The following ISOC1 variants were observed in gnomAD, a reference collection of about 807,000 sequenced individuals.
ISOC1 encodes the protein isochorismatase domain-containing protein 1.
Under a neutral mutation model 30.0 loss-of-function variants are expected in ISOC1, and 33 were observed. The ratio of observed to expected loss-of-function variants is 1.10; its 90% CI spans 0.83 to 1.47. The LOEUF is 1.47. Ranked by LOEUF, ISOC1 falls within the 40% of genes most tolerant of loss-of-function variation. The pLI is 0.00. For missense variants in ISOC1, 372 were observed against 388.0 expected (o/e 0.96, Z 0.35); for synonymous variants, 178 against 159.8 (o/e 1.11, Z -0.86).
At chr5:129,101,239 TA>T (rs1246511653) in intron 1 of ISOC1, among the ~76,000 whole-genome samples, 1 of 139,464 alleles carries the variant, frequency 7.2e-6, no homozygotes, top group Non-Finnish European at 1.5e-5. Context: ...TTCACACCTG[TA>T]ATCCCAGCAC....
At chr5:129,105,626 G>T (rs1753628189) in intron 3 of ISOC1, among the ~76,000 whole-genome samples, 1 of 152,058 alleles carries the variant, frequency 6.6e-6, no homozygotes, top group African/African-American at 2.4e-5. Flanking sequence ...TATTAAAGAG[G>T]ATACTAAAAT....
Position 129,094,753 on chromosome 5 carries a change from A to G in ISOC1, c.-14A>G. The G allele has an allele frequency of 7.1e-7, 1 of 1,414,982 alleles. No homozygotes were observed. The highest frequency in any genetic ancestry group is 1.5e-5 in the South Asian group (1 of 68,720). The allele number at this position is 1,414,982 out of a possible 1,614,324, so 87.7% of individuals were successfully genotyped here. On this transcript the variant is annotated 5_prime_UTR_variant, in exon 1 of 5. Coordinates refer to ENST00000173527, the MANE Select transcript of ISOC1 (RefSeq NM_016048.2). ...GACTGGGCGGCCTCGGAGCTCGCAG[A>G]CGCTCGGGGGAACATGGCGGCTGCG... is the stretch of plus-strand genomic sequence containing the variant.
intron 4 of ISOC1, 65 bp downstream of exon 4, chr5:129,107,127 A>T (rs1753647998): frequency 7.9e-7 from 1 of 1,266,402 alleles, no homozygotes; most frequent in South Asian, 1.2e-5. Context: ...AGAATACTGG[A>T]TATTTAACAG....
intron 3 of ISOC1, among the ~76,000 whole-genome samples, chr5:129,106,011 A>G (rs751954246): frequency 1.3e-3 from 197 of 152,214 alleles, no homozygotes; most frequent in Non-Finnish European, 2.4e-4. Flanking sequence ...GGTAACTTTT[A>G]TAGTAGTAGG....
intron 4 of ISOC1, 141 bp from the exon 5 acceptor site, chr5:129,112,714 T>C (rs910303991): frequency 3.1e-5 from 24 of 781,224 alleles, no homozygotes; most frequent in African/African-American, 3.0e-4. Flanking sequence ...TCCATCCCCA[T>C]CACTGAACTT....
At chr5:129,097,243 T>C (rs374594395) in intron 1 of ISOC1, among the ~76,000 whole-genome samples, 9 of 152,218 alleles carry the variant, frequency 5.9e-5, no homozygotes, top group Non-Finnish European at 1.2e-4. Context: ...TTAGTAGTTA[T>C]ACTTTGACTT....
chr5:129,106,856 G>T (rs1753643498), intron 3 of ISOC1, 90 bp from the exon 4 acceptor site: 2 of 859,698 alleles, frequency 2.3e-6, no homozygotes, highest in South Asian at 1.5e-5. Context: ...GATCTGTAGT[G>T]CTCTGTCTGC....
intron 1 of ISOC1, among the ~76,000 whole-genome samples, chr5:129,100,512 G>A (rs577473064): frequency 5.9e-5 from 9 of 152,262 alleles, no homozygotes; most frequent in Non-Finnish European, 1.0e-4. Context: ...ATATTTATAT[G>A]TGATTTGTTT....
At position 129,112,869 on chromosome 5, in the gene ISOC1, C is replaced by A. The variant is rs185456076; in HGVS notation, c.765C>A (p.Thr255=). The change falls in exon 5 of 5, where the codon ACC becomes ACA. Residue 255 remains threonine (T), a synonymous_variant. Coordinates refer to ENST00000173527, the MANE Select transcript of ISOC1 (RefSeq NM_016048.2). ...TTTTGTTCAAGCGTCTCGCTCGAAC[C>A]GGGATCATAGTGACCACGAGTGAGG... is the stretch of plus-strand genomic sequence containing the variant. ...RMFALERLAR[T]GIIVTTSEAV... is the part of the protein sequence containing the mutation. 6.2e-7 allele frequency: 1 copy of A among 1,612,382 alleles called. No individual in the cohort carries two copies. The highest frequency in any genetic ancestry group is 8.5e-7 in the Non-Finnish European group (1 of 1,179,370).
intron 4 of ISOC1, among the ~76,000 whole-genome samples, chr5:129,110,171 A>AT (rs1441230234): frequency 6.6e-6 from 1 of 152,168 alleles, no homozygotes; most frequent in East Asian, 1.9e-4. Context: ...GTGCACATGC[A>AT]TTTTTTAGGT....
chr5:129,097,775 C>T (rs73234005), intron 1 of ISOC1: 6,923 of 152,718 alleles, frequency 0.045, 536 homozygotes, highest in African/African-American at 0.16. Flanking sequence ...CACTTACAGC[C>T]GAACACAGCA....
At chr5:129,096,582 T>TGC (rs1753504651) in intron 1 of ISOC1, among the ~76,000 whole-genome samples, 1 of 152,214 alleles carries the variant, frequency 6.6e-6, no homozygotes, top group Admixed American at 6.5e-5. Flanking sequence ...AGTTCTTAGG[T>TGC]GCTTAAGACT....
At chr5:129,100,092 A>G (rs1753551779) in intron 1 of ISOC1, among the ~76,000 whole-genome samples, 1 of 149,132 alleles carries the variant, frequency 6.7e-6, no homozygotes, top group Non-Finnish European at 1.5e-5. Flanking sequence ...ATTTCCTCAG[A>G]AACACTTGGG....
chr5:129,096,282 C>T lies in ISOC1; in HGVS notation c.309+1207C>T, dbSNP rs189065358. Among the ~76,000 whole-genome samples the T allele has an allele frequency of 6.6e-5, 10 of 152,260 alleles. No homozygotes were observed. The East Asian group carries it at 1.9e-3, about 29-fold the overall frequency. ...ATAGTCACGCTATTGTGCTACTGAACACTAGAGCTTATTCCTATTATCTGT... is the reference window on the plus strand; with the variant it reads ...ATAGTCACGCTATTGTGCTACTGAATACTAGAGCTTATTCCTATTATCTGT... On this transcript the variant is annotated intron_variant, in intron 1 of 4. Transcript: ENST00000173527.
In ISOC1 at chr5:129,104,971, A is replaced by G. The variant is rs1257920252; in HGVS notation, c.325A>G (p.Asn109Asp). The G allele has an allele frequency of 6.2e-7, 1 of 1,613,556 alleles. No homozygotes were observed. The highest frequency in any genetic ancestry group is 8.5e-7 in the Non-Finnish European group (1 of 1,179,734). ...PLQIQLTTLG[N>D]LTPSSTVFFC... ...TTTTCCTCAGCTCACTACCCTGGGAAATCTTACACCTTCAAGCACTGTGTT... is the reference window on the plus strand; with the variant it reads ...TTTTCCTCAGCTCACTACCCTGGGAGATCTTACACCTTCAAGCACTGTGTT... The change falls in exon 2 of 5, where the codon AAT (asparagine) becomes GAT (aspartate). Residue 109 changes from asparagine to aspartate, a missense_variant. Physicochemically the swap from Asn to Asp is conservative, Grantham distance 23. Coordinates refer to ENST00000173527, the MANE Select transcript of ISOC1 (RefSeq NM_016048.2).
chr5:129,099,262 AT>A (rs1753543969), intron 1 of ISOC1, among the ~76,000 whole-genome samples: 18 of 152,084 alleles, frequency 1.2e-4, no homozygotes, highest in Admixed American at 1.2e-3. Context: ...TTCAAATGTC[AT>A]TGTGGTCCTG....
chr5:129,094,829 G>A lies in ISOC1; in HGVS notation c.63G>A (p.Ala21=), dbSNP rs1477961020. 5 of 1,545,098 alleles carry A rather than the reference G, an allele frequency of 3.2e-6. No homozygotes were observed. Among genetic ancestry groups the A allele is most frequent in the East Asian group, 2.4e-5 (1 of 41,188 alleles). ...ACAGCGGCGCCGGGGGCGCGGGGGC[G>A]CCGTCGGGCACAGTCCCGGTGCTCT... ...LPNSGAGGAG[A]PSGTVPVLFC... Residue 21 remains alanine, a synonymous_variant, in exon 1 of 5, where the codon GCG becomes GCA. Transcript: ENST00000173527.
intron 4 of ISOC1, among the ~76,000 whole-genome samples, chr5:129,110,760 C>T (rs1031390525): frequency 1.8e-4 from 27 of 152,178 alleles, no homozygotes; most frequent in African/African-American, 6.3e-4. Context: ...CAGATTCCTT[C>T]CTTAGACCTG....
rs535644532 is a variant in ISOC1, at chr5:129,094,749, G to C, written c.-18G>C. On this transcript the variant is annotated 5_prime_UTR_variant, in exon 1 of 5. Coordinates refer to ENST00000173527, the MANE Select transcript of ISOC1 (RefSeq NM_016048.2). Reference sequence around the variant, plus strand: ...GTGCGACTGGGCGGCCTCGGAGCTCGCAGACGCTCGGGGGAACATGGCGGC... The same window carrying C: ...GTGCGACTGGGCGGCCTCGGAGCTCCCAGACGCTCGGGGGAACATGGCGGC... 10 of 1,406,908 alleles carry C rather than the reference G, an allele frequency of 7.1e-6. No homozygotes were observed. In the South Asian group the frequency reaches 1.5e-4, roughly 21 times the overall value. 87.2% of individuals were successfully genotyped at this position (1,406,908 alleles called of 1,614,324 possible). A position where few individuals can be genotyped will look rare whatever the true frequency, so the allele number is the denominator to read the frequency against.
Sources: gnomAD v4.1 joint callset for allele counts (sites outside exome capture counted in the v4.1 genomes callset) on GRCh38, gnomAD v4.1.1 for gene constraint, MANE v1.5 for transcripts, NCBI Gene and HGNC (gene_info 2026-07-23, HGNC 2026-07-21) for gene names.